RILPL1: variants seen among roughly 807,000 people sequenced by gnomAD.
The protein encoded by RILPL1 is Rab interacting lysosomal protein like 1, also known as RILP-like protein 1.
Under a neutral mutation model 50.3 loss-of-function variants are expected in RILPL1, and 33 were observed. The observed-to-expected ratio is 0.66, with a 90% CI of 0.50 to 0.88. The LOEUF is 0.88. Ranked by LOEUF, RILPL1 falls within the 40% of genes least tolerant of loss-of-function variation. The pLI, the probability that RILPL1 is intolerant of heterozygous loss-of-function variation, is 0.00. For missense variants in RILPL1, 418 were observed against 542.5 expected, an observed-to-expected ratio of 0.77 and a Z score of 2.28; for synonymous variants, 205 against 228.6, an observed-to-expected ratio of 0.90 and a Z score of 0.93.
Position 123,499,649 on chromosome 12 carries a change from C to T in RILPL1, c.461-113G>A, listed in dbSNP as rs1883248311. ...TCTTAGTGGCCCCCCGGCCTCCTCCCCAGCCTCATCCTCTCCACTCTCCAC... is the reference window on the plus strand; with the variant it reads ...TCTTAGTGGCCCCCCGGCCTCCTCCTCAGCCTCATCCTCTCCACTCTCCAC... On this transcript the variant is annotated intron_variant, in intron 2 of 6. Coordinates refer to ENST00000376874, the MANE Select transcript of RILPL1 (RefSeq NM_178314.5). The T allele has an allele frequency of 6.7e-6, 5 of 741,726 alleles. No individual in the cohort carries two copies. The South Asian group carries it at 7.9e-5, about 12-fold the overall frequency. 45.9% of individuals were successfully genotyped at this position (741,726 alleles called of 1,614,324 possible).
Position 123,472,387 on chromosome 12 carries a change from C to G in RILPL1, c.*151G>C. The stretch of plus-strand genomic sequence containing the variant: ...GAGTTTGGCGTCAGTTTTTCAATGT[C>G]CATCCTCAAATCAGACAGTCTGTTT... On this transcript the variant is annotated 3_prime_UTR_variant, in exon 7 of 7. Coordinates refer to ENST00000376874, the MANE Select transcript of RILPL1 (RefSeq NM_178314.5). 1.3e-6 allele frequency: 1 copy of G among 758,928 alleles called. No individual in the cohort carries two copies. Among genetic ancestry groups the G allele is most frequent in the Non-Finnish European group, 2.1e-6 (1 of 479,896 alleles). The allele number at this position is 758,928 out of a possible 1,614,324, so 47.0% of individuals were successfully genotyped here. A position where few individuals can be genotyped will look rare whatever the true frequency, so the allele number is the denominator to read the frequency against.
chr12:123,498,512 G>A lies in RILPL1; in HGVS notation c.801+32C>T. ...AAGCCAACCCCCAGACTGACCCTCTGCTACCACCTCTGCACCCAGCTTCCT... is the reference window on the plus strand; with the variant it reads ...AAGCCAACCCCCAGACTGACCCTCTACTACCACCTCTGCACCCAGCTTCCT... On this transcript the variant is annotated intron_variant, in intron 4 of 6. Transcript: ENST00000376874. The surrounding 1 kb of genome is among the most constrained non-coding windows in gnomAD (Gnocchi z 4.3). 1 of 1,596,698 alleles carries A rather than the reference G, an allele frequency of 6.3e-7. No homozygotes were observed. Among genetic ancestry groups the A allele is most frequent in the Non-Finnish European group, 8.6e-7 (1 of 1,166,624 alleles).
intron 2 of RILPL1, among the ~76,000 whole-genome samples, chr12:123,505,553 A>C (rs1326072313): frequency 1.3e-5 from 2 of 152,136 alleles, no homozygotes; most frequent in Non-Finnish European, 2.9e-5. Context: ...CCTGGCCTCA[A>C]GCAATCCTCC....
intron 4 of RILPL1, among the ~76,000 whole-genome samples, chr12:123,492,243 A>T (rs1027837754): frequency 4.0e-5 from 6 of 151,550 alleles, no homozygotes; most frequent in African/African-American, 1.2e-4. Context: ...AAATATATAT[A>T]TATACATATA....
chr12:123,533,082 A>AC lies in RILPL1; in HGVS notation c.309+91dup. 4 of 1,303,186 alleles carry AC rather than the reference A, an allele frequency of 3.1e-6. No individual in the cohort carries two copies. The highest frequency in any genetic ancestry group is 3.1e-6 in the Non-Finnish European group (3 of 967,268). The allele number at this position is 1,303,186 out of a possible 1,614,324, so 80.7% of individuals were successfully genotyped here. A position where few individuals can be genotyped will look rare whatever the true frequency, so the allele number is the denominator to read the frequency against. On this transcript the variant is annotated intron_variant, in intron 1 of 6. Transcript: ENST00000376874. The surrounding 1 kb of genome is among the most constrained non-coding windows in gnomAD (Gnocchi z 6.2). ...CCTCTGGTCCGGTCCCTGAACACACACACGTGCGCACCCACAGCTGCCCAA... is the reference window on the plus strand; with the variant it reads ...CCTCTGGTCCGGTCCCTGAACACACACCACGTGCGCACCCACAGCTGCCCAA...
In RILPL1 at chr12:123,499,406, T is replaced by C. The variant is rs773497710; in HGVS notation, c.579+12A>G. The C allele has an allele frequency of 3.3e-5, 52 of 1,593,362 alleles. No homozygotes were observed. In the African/African-American group the frequency reaches 6.8e-4, roughly 21 times the overall value. ...TGGGAGGGTGGACGCAGGTCAGGGG[T>C]GTGTCACTCACAGCCTCAACGTCCT... On this transcript the variant is annotated intron_variant, in intron 3 of 6. Coordinates refer to ENST00000376874, the MANE Select transcript of RILPL1 (RefSeq NM_178314.5).
chr12:123,530,544 C>T (rs1158314821), intron 1 of RILPL1, among the ~76,000 whole-genome samples: 1 of 152,212 alleles, frequency 6.6e-6, no homozygotes, highest in Non-Finnish European at 1.5e-5. Flanking sequence ...AAGTCAGGCT[C>T]ATCAGGGCCA....
In RILPL1 at chr12:123,533,110, C is replaced by A; in HGVS notation, c.309+64G>T. 1 of 1,435,278 alleles carries A rather than the reference C, an allele frequency of 7.0e-7. No individual in the cohort carries two copies. The highest frequency in any genetic ancestry group is 2.5e-5 in the East Asian group (1 of 39,942). 88.9% of individuals were successfully genotyped at this position (1,435,278 alleles called of 1,614,324 possible). On this transcript the variant is annotated intron_variant, in intron 1 of 6. Coordinates refer to ENST00000376874, the MANE Select transcript of RILPL1 (RefSeq NM_178314.5). The surrounding 1 kb of genome is among the most constrained non-coding windows in gnomAD (Gnocchi z 6.2). ...CGTGCGCACCCACAGCTGCCCAATG[C>A]GGAAGAGCCCTTGGGTCCCCGCGGT...
rs77539620 is a variant in RILPL1 at position 123,475,622 on chromosome 12, G to T, written c.1068-2940C>A. ...CAGTAGCCGAAGCAGACATTCCAAG[G>T]GGGCAGCTCAAACAAAACCCAAAAC... On this transcript the variant is annotated intron_variant, in intron 6 of 6. Transcript: ENST00000376874. The T allele has an allele frequency of 8.2e-3, 10,837 of 1,323,514 alleles. 788 individuals carry two copies. The East Asian group carries it at 0.18, about 22-fold the overall frequency. 82.0% of individuals were successfully genotyped at this position (1,323,514 alleles called of 1,614,324 possible). A position where few individuals can be genotyped will look rare whatever the true frequency, so the allele number is the denominator to read the frequency against.
intron 2 of RILPL1, among the ~76,000 whole-genome samples, chr12:123,521,601 ATATATACACACATATGTG>A (rs1566144107): frequency 5.0e-5 from 3 of 59,444 alleles, no homozygotes; most frequent in African/African-American, 2.4e-4. Flanking sequence ...ATATATTAAT[ATATATACACACATATGTG>A]TATATATATA....
intron 4 of RILPL1, among the ~76,000 whole-genome samples, chr12:123,495,688 T>G (rs1012331877): frequency 2.0e-5 from 3 of 146,464 alleles, no homozygotes; most frequent in African/African-American, 2.5e-5. Flanking sequence ...TTTTTTTTTT[T>G]TTTTTTTTTT....
chr12:123,483,994 A>C (rs1882160527), intron 6 of RILPL1, among the ~76,000 whole-genome samples, 186 bp downstream of exon 6: 1 of 151,638 alleles, frequency 6.6e-6, no homozygotes, highest in East Asian at 1.9e-4. Context: ...CTGCCCAGAG[A>C]CCCCCAGGAG....
chr12:123,523,351 A>G, intron 2 of RILPL1, 144 bp downstream of exon 2: 1 of 920,952 alleles, frequency 1.1e-6, no homozygotes, highest in South Asian at 1.6e-5. Context: ...GTTATGGTGC[A>G]AATCAACACA....
At chr12:123,478,915 G>T (rs1881780064) in intron 6 of RILPL1, among the ~76,000 whole-genome samples, 1 of 152,222 alleles carries the variant, frequency 6.6e-6, no homozygotes, top group African/African-American at 2.4e-5. Flanking sequence ...TGCCAGCCTG[G>T]CCTCTCTGGA....
At chr12:123,487,630 G>GC (rs766609806) in intron 4 of RILPL1, among the ~76,000 whole-genome samples, 3 of 152,214 alleles carry the variant, frequency 2.0e-5, no homozygotes, top group Non-Finnish European at 2.9e-5. Flanking sequence ...TGATGGCTGA[G>GC]CCATATTCCA....
chr12:123,509,735 C>G (rs957086226), intron 2 of RILPL1, among the ~76,000 whole-genome samples: 13 of 152,198 alleles, frequency 8.5e-5, no homozygotes, highest in Admixed American at 3.3e-4. Context: ...TCGTTTTCGT[C>G]AGCAAGATGA....
chr12:123,499,581 A>G (rs997789175), intron 2 of RILPL1, 45 bp from the exon 3 acceptor site: 2 of 1,409,698 alleles, frequency 1.4e-6, no homozygotes, highest in Non-Finnish European at 2.0e-6. Context: ...CCTTACTCCT[A>G]TGTTGAAATC....
At chr12:123,477,567 G>A (rs573866493) in intron 6 of RILPL1, among the ~76,000 whole-genome samples, 53 of 152,156 alleles carry the variant, frequency 3.5e-4, no homozygotes, top group African/African-American at 1.2e-3. Flanking sequence ...TTGAACTCCT[G>A]GCATCAAGTG....
intron 6 of RILPL1, chr12:123,474,545 G>A (rs9723046): frequency 0.52 from 78,640 of 151,888 alleles, 22,897 homozygotes; most frequent in East Asian, 0.99. Context: ...GTAGAGACGG[G>A]GCTTCACCAT....
Sources: gnomAD v4.1 joint callset for allele counts (sites outside exome capture counted in the v4.1 genomes callset) on GRCh38, gnomAD v4.1.1 for gene constraint, Gnocchi (gnomAD v3.1) non-coding constraint, MANE v1.5 for transcripts, NCBI Gene and HGNC (gene_info 2026-07-23, HGNC 2026-07-21) for gene names.